Variants in CPVL observed in about 807,000 individuals in gnomAD.
CPVL encodes the protein carboxypeptidase vitellogenic like.
A neutral mutation model predicts 63.7 loss-of-function variants in CPVL; 51 were observed. The observed-to-expected ratio is 0.80, with a 90% CI of 0.64 to 1.01. The LOEUF is 1.01. Among genes scored for constraint, CPVL ranks in the 50% least tolerant of loss-of-function variants. The pLI is 0.00. For missense variants in CPVL, 530 were observed against 573.1 expected (o/e 0.92, Z 0.77); for synonymous variants, 195 against 206.0 (o/e 0.95, Z 0.46).
chr7:29,195,043 C>T, intron 1 of CPVL: 1 of 1,547,666 alleles, frequency 6.5e-7, no homozygotes, highest in Non-Finnish European at 8.7e-7. Context: ...GCCCCACTGC[C>T]CTCGCCCCGC....
intron 7 of CPVL, among the ~76,000 whole-genome samples, 160 bp from the exon 8 acceptor site, chr7:29,072,583 C>T (rs1445623065): frequency 6.6e-6 from 1 of 152,148 alleles, no homozygotes; most frequent in Admixed American, 6.5e-5. Flanking sequence ...TAGCAAAAAC[C>T]TCTGTCTTCC....
chr7:29,018,332 A>C (rs923719047), intron 12 of CPVL, among the ~76,000 whole-genome samples: 1 of 151,896 alleles, frequency 6.6e-6, no homozygotes, highest in Non-Finnish European at 1.5e-5. Context: ...AAAAAATCTT[A>C]AAGCAATTTC....
chr7:29,195,198 G>A, exon 1 of CPVL: 1 of 498,136 alleles, frequency 2.0e-6, no homozygotes, highest in Non-Finnish European at 3.5e-6. Context: ...GCGCAGAGGT[G>A]GGAGAGCGGT....
At chr7:29,073,271 C>T (rs192828758) in intron 7 of CPVL, among the ~76,000 whole-genome samples, 4 of 152,294 alleles carry the variant, frequency 2.6e-5, no homozygotes, top group African/African-American at 9.6e-5. Flanking sequence ...GTCTCGTATT[C>T]CACAGAAGTC....
At chr7:29,130,215 CAAGAGTT>C (rs1193114497) in intron 1 of CPVL, among the ~76,000 whole-genome samples, 2 of 152,116 alleles carry the variant, frequency 1.3e-5, no homozygotes, top group African/African-American at 2.4e-5. Flanking sequence ...CACAAAACCC[CAAGAGTT>C]CTACTTTAAG....
intron 5 of CPVL, among the ~76,000 whole-genome samples, chr7:29,165,379 C>A (rs558572838): frequency 7.9e-5 from 12 of 152,132 alleles, no homozygotes; most frequent in African/African-American, 2.9e-4. Context: ...ACTCTTTATC[C>A]TTTAACCTTG....
At chr7:29,015,444 G>A (rs1338900043) in intron 12 of CPVL, among the ~76,000 whole-genome samples, 1 of 152,154 alleles carries the variant, frequency 6.6e-6, no homozygotes, top group Non-Finnish European at 1.5e-5. Context: ...CCTTGGTGCT[G>A]TCCTGGCAAT....
chr7:29,130,246 G>A (rs1040531458), intron 1 of CPVL, among the ~76,000 whole-genome samples: 20 of 152,164 alleles, frequency 1.3e-4, no homozygotes, highest in Admixed American at 1.1e-3. Flanking sequence ...CCTGGTAGGC[G>A]TCCAGTGAAA....
chr7:29,094,962 G>C, intron 5 of CPVL, 122 bp downstream of exon 5: 1 of 738,014 alleles, frequency 1.4e-6, no homozygotes, highest in Middle Eastern at 2.7e-4. Flanking sequence ...TAATTTTACA[G>C]ATTAAATTCT....
chr7:29,065,983 T>G (rs1262707166), intron 10 of CPVL, 40 bp downstream of exon 10: 1 of 1,310,090 alleles, frequency 7.6e-7, no homozygotes, highest in Admixed American at 2.1e-5. Context: ...TTGCCAAAAG[T>G]TTTAAGCAAA....
chr7:29,062,415 A>G (rs1782712755), intron 11 of CPVL, among the ~76,000 whole-genome samples: 2 of 152,226 alleles, frequency 1.3e-5, no homozygotes, highest in Non-Finnish European at 2.9e-5. Flanking sequence ...AAACACAAGG[A>G]TGGCTGAAAT....
At chr7:29,110,441 A>G (rs1403372489) in intron 3 of CPVL, among the ~76,000 whole-genome samples, 3 of 152,158 alleles carry the variant, frequency 2.0e-5, no homozygotes, top group Non-Finnish European at 4.4e-5. Flanking sequence ...TTCAGCCAGG[A>G]GCTTCAGGCA....
At chr7:29,018,036 A>T (rs1786588721) in intron 12 of CPVL, among the ~76,000 whole-genome samples, 1 of 152,218 alleles carries the variant, frequency 6.6e-6, no homozygotes, top group Non-Finnish European at 1.5e-5. Flanking sequence ...TTTGGAAGAA[A>T]ATGGAATTGA....
intron 5 of CPVL, among the ~76,000 whole-genome samples, chr7:29,165,725 C>A (rs1040444785): frequency 2.6e-5 from 4 of 152,008 alleles, no homozygotes; most frequent in African/African-American, 9.7e-5. Context: ...TTCTTCTTTT[C>A]TTTTTTAAAT....
chr7:29,192,331 G>C (rs888143540), intron 1 of CPVL: 2 of 152,096 alleles, frequency 1.3e-5, no homozygotes, highest in Non-Finnish European at 2.9e-5. Context: ...AAAATAATCT[G>C]CCTCACAGAG....
intron 5 of CPVL, among the ~76,000 whole-genome samples, chr7:29,156,259 A>C (rs191947183): frequency 5.3e-5 from 8 of 152,346 alleles, no homozygotes; most frequent in Admixed American, 2.6e-4. Context: ...ATCTGTTGCA[A>C]AGTAATTACA....
intron 12 of CPVL, among the ~76,000 whole-genome samples, chr7:29,018,819 A>G (rs1786674668): frequency 6.6e-6 from 1 of 152,322 alleles, no homozygotes; most frequent in South Asian, 2.1e-4. Context: ...AAAGGCACAG[A>G]AAGATCCCAA....
At chr7:29,126,515 G>A (rs780757451) in intron 1 of CPVL, 1 of 152,136 alleles carries the variant, frequency 6.6e-6, no homozygotes, top group Non-Finnish European at 1.5e-5. Context: ...AATCAGATTT[G>A]CAAGACCTCA....
At position 29,097,102 on chromosome 7, in the gene CPVL, TAAC is replaced by T. The variant is rs951194332; in HGVS notation, c.289-888_289-886del. 7.6e-5 allele frequency among the ~76,000 whole-genome samples: 11 copies of T among 144,536 alleles called. No individual in the cohort carries two copies. In the South Asian group the frequency reaches 2.0e-3, roughly 26 times the overall value. The allele number at this position is 144,536 out of a possible 152,430, so 94.8% of individuals were successfully genotyped here. ...CCCAGGGGCCTTTAGCCAACGCAAA[TAAC>T]AACGACAAAACCCTGAACAAGGTAC... On this transcript the variant is annotated intron_variant, in intron 3 of 12. Coordinates refer to ENST00000265394, the MANE Select transcript of CPVL (RefSeq NM_031311.5).
Sources: gnomAD v4.1 joint callset for allele counts (sites outside exome capture counted in the v4.1 genomes callset) on GRCh38, gnomAD v4.1.1 for gene constraint, MANE v1.5 for transcripts, NCBI Gene and HGNC (gene_info 2026-07-23, HGNC 2026-07-21) for gene names.